EXT1: variants seen among roughly 807,000 people sequenced by gnomAD.
EXT1 encodes the protein exostosin glycosyltransferase 1.
In EXT1, 20 loss-of-function variants were observed where a neutral mutation model predicts 82.5. That is an observed-to-expected ratio of 0.24 (90% CI 0.17 to 0.35). The LOEUF (loss-of-function observed/expected upper bound fraction) is 0.35. Ranked by LOEUF, EXT1 falls within the 10% of genes least tolerant of loss-of-function variation. The probability of loss-of-function intolerance (pLI) is 1.00; values close to 1 mark genes in which losing one functional copy is unlikely to be tolerated. For synonymous variants in EXT1, 348 were observed against 350.8 expected, an observed-to-expected ratio of 0.99 and a Z score of 0.09; for missense variants, 757 against 936.5, an observed-to-expected ratio of 0.81 and a Z score of 2.50.
intron 1 of EXT1, among the ~76,000 whole-genome samples, chr8:118,027,230 A>G (rs1216805367): frequency 1.3e-5 from 2 of 152,156 alleles, no homozygotes; most frequent in African/African-American, 4.8e-5. Flanking sequence ...ATCTATTTGT[A>G]TCATCAGAAA....
At chr8:118,058,038 C>A (rs1423693077) in intron 1 of EXT1, among the ~76,000 whole-genome samples, 2 of 151,404 alleles carry the variant, frequency 1.3e-5, no homozygotes, top group East Asian at 3.9e-4. Flanking sequence ...GAGCAAACCA[C>A]TGTCACTACC....
At chr8:117,973,789 GAAAAGAA>G (rs1380798252) in intron 1 of EXT1, among the ~76,000 whole-genome samples, 2 of 121,258 alleles carry the variant, frequency 1.6e-5, no homozygotes, top group Non-Finnish European at 3.4e-5. Flanking sequence ...AGAGATGAAA[GAAAAGAA>G]AAGAGAAAGG....
In EXT1 at chr8:117,799,624, T is replaced by C. The variant is rs1823133176; in HGVS notation, c.*88A>G. The stretch of plus-strand genomic sequence containing the variant: ...TTTTGGATAGTTGGCACAATCTGGC[T>C]CTGCTGATGAGTGGATCTGCACTGG... On this transcript the variant is annotated 3_prime_UTR_variant, in exon 11 of 11. Transcript: ENST00000378204. The C allele has an allele frequency of 8.2e-6, 12 of 1,471,994 alleles. No homozygotes were observed. The highest frequency in any genetic ancestry group is 2.3e-5 in the East Asian group (1 of 44,126). 91.2% of individuals were successfully genotyped at this position (1,471,994 alleles called of 1,614,324 possible).
chr8:117,800,746 G>A lies in EXT1; in HGVS notation c.2056-849C>T, dbSNP rs370336917. 3.2e-4 allele frequency among the ~76,000 whole-genome samples: 49 copies of A among 152,242 alleles called. No individual in the cohort carries two copies. In the East Asian group the frequency reaches 7.1e-3, roughly 22 times the overall value. ...TCACCCAGAATAAAGATTAACTCTC[G>A]ACAAATAGAAAAGATGGCTACCATG... is the stretch of plus-strand genomic sequence containing the variant. On this transcript the variant is annotated intron_variant, in intron 10 of 10. Coordinates refer to ENST00000378204, the MANE Select transcript of EXT1 (RefSeq NM_000127.3).
chr8:117,858,781 G>T (rs1812618163), intron 1 of EXT1, among the ~76,000 whole-genome samples: 1 of 130,946 alleles, frequency 7.6e-6, no homozygotes, highest in African/African-American at 3.6e-5. Flanking sequence ...AGGCAGGCAG[G>T]CAGGCAGGCA....
chr8:117,874,653 C>A (rs180927610), intron 1 of EXT1, among the ~76,000 whole-genome samples: 5 of 151,428 alleles, frequency 3.3e-5, no homozygotes, highest in Admixed American at 1.3e-4. Context: ...CATATAATCC[C>A]CTCAATTGAT....
chr8:117,969,406 A>T (rs543761029), intron 1 of EXT1, among the ~76,000 whole-genome samples: 30 of 152,324 alleles, frequency 2.0e-4, no homozygotes, highest in African/African-American at 7.2e-4. Context: ...CAACAAACTA[A>T]AAATGTCAAC....
At chr8:117,975,626 C>CATGCG (rs1379981315) in intron 1 of EXT1, among the ~76,000 whole-genome samples, 1 of 152,158 alleles carries the variant, frequency 6.6e-6, no homozygotes, top group African/African-American at 2.4e-5. Context: ...TCCCCTCTAA[C>CATGCG]ATGCGGGGCA....
At chr8:117,821,832 T>C (rs1811929362) in intron 5 of EXT1, among the ~76,000 whole-genome samples, 1 of 152,162 alleles carries the variant, frequency 6.6e-6, no homozygotes, top group African/African-American at 2.4e-5. Flanking sequence ...AATACATAAA[T>C]GTCTAAGGCA....
chr8:117,921,346 A>C (rs1391087104), intron 1 of EXT1, among the ~76,000 whole-genome samples: 1 of 152,206 alleles, frequency 6.6e-6, no homozygotes, highest in African/African-American at 2.4e-5. Context: ...ACCCAGTGAG[A>C]CACATAAAAG....
intron 1 of EXT1, among the ~76,000 whole-genome samples, chr8:117,881,286 C>T (rs1813055372): frequency 6.6e-6 from 1 of 152,098 alleles, no homozygotes; most frequent in Non-Finnish European, 1.5e-5. Flanking sequence ...CAAAGCCTAA[C>T]ATATTTACTA....
At chr8:118,097,839 C>T (rs1817648510) in intron 1 of EXT1, among the ~76,000 whole-genome samples, 1 of 152,102 alleles carries the variant, frequency 6.6e-6, no homozygotes, top group East Asian at 1.9e-4. Context: ...TGGAGAGAGA[C>T]AAACAAACAG....
At chr8:118,004,977 C>G (rs1304866656) in intron 1 of EXT1, among the ~76,000 whole-genome samples, 1 of 152,162 alleles carries the variant, frequency 6.6e-6, no homozygotes, top group Non-Finnish European at 1.5e-5. Flanking sequence ...TAAACATGGT[C>G]TATTTATTCT....
chr8:118,100,506 T>G (rs1817699010), intron 1 of EXT1, among the ~76,000 whole-genome samples: 1 of 152,024 alleles, frequency 6.6e-6, no homozygotes, highest in Non-Finnish European at 1.5e-5. Flanking sequence ...TCCCAGCACT[T>G]TGGGAGGCCG....
chr8:118,091,807 T>C (rs1464656480), intron 1 of EXT1, among the ~76,000 whole-genome samples: 1 of 152,134 alleles, frequency 6.6e-6, no homozygotes, highest in Non-Finnish European at 1.5e-5. Flanking sequence ...ATATGTATCT[T>C]CTAAACTTAC....
At chr8:117,904,843 A>G (rs1046950360) in intron 1 of EXT1, among the ~76,000 whole-genome samples, 5 of 134,448 alleles carry the variant, frequency 3.7e-5, no homozygotes, top group Admixed American at 1.4e-4. Flanking sequence ...GAGAAATTGG[A>G]AAAAAAAAAG....
intron 1 of EXT1, among the ~76,000 whole-genome samples, chr8:117,960,037 C>T (rs994340842): frequency 1.5e-4 from 23 of 152,094 alleles, no homozygotes; most frequent in African/African-American, 5.6e-4. Flanking sequence ...ATGGTGAAAA[C>T]CCATCTTTTG....
At chr8:117,963,489 CATTTTTTT>C (rs1234743602) in intron 1 of EXT1, among the ~76,000 whole-genome samples, 1 of 151,936 alleles carries the variant, frequency 6.6e-6, no homozygotes, top group East Asian at 1.9e-4. Context: ...GGTGGTTTTT[CATTTTTTT>C]ATTTTATTTT....
chr8:118,002,522 A>ATTTT (rs1815690914), intron 1 of EXT1, among the ~76,000 whole-genome samples: 3 of 124,586 alleles, frequency 2.4e-5, no homozygotes, highest in Middle Eastern at 3.9e-3. Flanking sequence ...CAGTGTGAAT[A>ATTTT]TTTTTCTTTT....
Sources: allele counts gnomAD v4.1 joint callset (sites outside exome capture counted in the v4.1 genomes callset), GRCh38; gene constraint gnomAD v4.1.1; transcripts MANE v1.5; gene names NCBI Gene and HGNC (gene_info 2026-07-23, HGNC 2026-07-21).